Variants in CACNB1 observed in about 807,000 individuals in gnomAD.
CACNB1 encodes voltage-dependent L-type calcium channel subunit beta-1.
In CACNB1, 29 loss-of-function variants were observed where a neutral mutation model predicts 71.6. That is an observed-to-expected ratio of 0.40 (90% confidence interval 0.30 to 0.55). CACNB1 has a LOEUF of 0.55. Ranked by LOEUF, CACNB1 falls within the 20% of genes least tolerant of loss-of-function variation. The pLI is 0.38. For synonymous variants in CACNB1, 300 were observed against 319.6 expected, an observed-to-expected ratio of 0.94 and a Z score of 0.65; for missense variants, 623 against 801.8, an observed-to-expected ratio of 0.78 and a Z score of 2.69.
At position 39,175,677 on chromosome 17, in the gene CACNB1, C is replaced by T; in HGVS notation, c.1333-20G>A. On this transcript the variant is annotated intron_variant, in intron 13 of 13. Coordinates refer to ENST00000394303, the MANE Select transcript of CACNB1 (RefSeq NM_000723.5). The surrounding 1 kb of genome is among the most constrained non-coding windows in gnomAD (Gnocchi z 4.7). ...GGGTCCCTGGTTAGCAGACGGACAGCACACACCATGCAGATCAGGCAGGGG... is the reference window on the plus strand; with the variant it reads ...GGGTCCCTGGTTAGCAGACGGACAGTACACACCATGCAGATCAGGCAGGGG... 6.6e-7 allele frequency: 1 copy of T among 1,516,894 alleles called. No homozygotes were observed. Among genetic ancestry groups the T allele is most frequent in the Non-Finnish European group, 8.9e-7 (1 of 1,123,598 alleles). 94.0% of individuals were successfully genotyped at this position (1,516,894 alleles called of 1,614,324 possible).
intron 2 of CACNB1, chr17:39,191,921 C>T (rs947802791): frequency 1.2e-5 from 4 of 341,982 alleles, no homozygotes; most frequent in Non-Finnish European, 2.1e-5. Context: ...CGAGTCTCTA[C>T]TCCCACTGCT....
At chr17:39,190,485 T>A (rs1175273988) in intron 3 of CACNB1, among the ~76,000 whole-genome samples, 1 of 152,134 alleles carries the variant, frequency 6.6e-6, no homozygotes, top group African/African-American at 2.4e-5. Context: ...CGGAGTGCAG[T>A]GGTGCGATCT....
At position 39,197,515 on chromosome 17, in the gene CACNB1, C is replaced by T; in HGVS notation, c.-20G>A. 1.4e-6 allele frequency: 2 copies of T among 1,479,090 alleles called. No homozygotes were observed. Among genetic ancestry groups the T allele is most frequent in the Admixed American group, 2.6e-5 (1 of 38,982 alleles). The allele number at this position is 1,479,090 out of a possible 1,614,324, so 91.6% of individuals were successfully genotyped here. A position where few individuals can be genotyped will look rare whatever the true frequency, so the allele number is the denominator to read the frequency against. On this transcript the variant is annotated 5_prime_UTR_variant, in exon 1 of 14. Coordinates refer to ENST00000394303, the MANE Select transcript of CACNB1 (RefSeq NM_000723.5). ...GACCATGGAGAGGAGCCTCCCCTCC[C>T]GCCGCCGGCCCGGCCCAGCCGGGCT...
At chr17:39,192,199 C>T (rs1052105782) in intron 2 of CACNB1, 1 of 154,898 alleles carries the variant, frequency 6.5e-6, no homozygotes, top group African/African-American at 2.4e-5. Flanking sequence ...TCAGGCTCTC[C>T]TAGGACACAA....
chr17:39,189,466 C>T (rs1295198658), intron 3 of CACNB1, among the ~76,000 whole-genome samples: 1 of 151,960 alleles, frequency 6.6e-6, no homozygotes, highest in Non-Finnish European at 1.5e-5. Context: ...AGTCTGAGAC[C>T]AGCCTGAGCA....
chr17:39,195,941 C>T (rs185548986), intron 1 of CACNB1, among the ~76,000 whole-genome samples: 8 of 152,298 alleles, frequency 5.3e-5, no homozygotes, highest in Non-Finnish European at 1.0e-4. Flanking sequence ...GGAAGCCACA[C>T]GTTCAGGTTA....
At chr17:39,185,019 G>T in intron 7 of CACNB1, 112 bp downstream of exon 7, 1 of 1,098,108 alleles carries the variant, frequency 9.1e-7, no homozygotes, top group Non-Finnish European at 1.4e-6. Flanking sequence ...TGGCCAGGGA[G>T]AACCAGGAAG....
Position 39,186,800 on chromosome 17 carries a change from C to T in CACNB1, c.544G>A (p.Gly182Ser), listed in dbSNP as rs773141230. 6.2e-6 allele frequency: 10 copies of T among 1,613,826 alleles called. No individual in the cohort carries two copies. Among genetic ancestry groups the T allele is most frequent in the Admixed American group, 1.7e-5 (1 of 60,018 alleles). The change falls in exon 5 of 14, where the codon GGC (glycine) becomes AGC (serine). Residue 182 changes from glycine (G) to serine (S), a missense_variant. Coordinates refer to ENST00000394303, the MANE Select transcript of CACNB1 (RefSeq NM_000723.5). The surrounding 1 kb of genome is among the most constrained non-coding windows in gnomAD (Gnocchi z 4.1). The part of the protein sequence containing the change: ...QEQKLRQNRL[G>S]SSKSGDNSSS... ...CCTGCCCCACCCAGACACCTGGAGC[C>T]GAGGCGGTTCTGGCGCAGCTTCTGT...
At chr17:39,193,483 G>T (rs2046138067) in intron 2 of CACNB1, 2 of 453,356 alleles carry the variant, frequency 4.4e-6, no homozygotes, top group Non-Finnish European at 8.9e-6. Flanking sequence ...CTCCATCCCG[G>T]CACCCTCAGT....
intron 13 of CACNB1, chr17:39,177,069 T>C: frequency 1.5e-6 from 2 of 1,369,254 alleles, no homozygotes; most frequent in South Asian, 1.8e-5. Context: ...TGCGCTCCTA[T>C]GGCACCAGGC....
intron 11 of CACNB1, among the ~76,000 whole-genome samples, chr17:39,182,106 A>T (rs1370973610): frequency 6.6e-6 from 1 of 151,708 alleles, no homozygotes; most frequent in Non-Finnish European, 1.5e-5. Flanking sequence ...GGTTGCAGTG[A>T]GCAAGATCGC....
At chr17:39,178,357 G>T in intron 11 of CACNB1, 1 of 273,426 alleles carries the variant, frequency 3.7e-6, no homozygotes, top group Admixed American at 4.9e-5. Context: ...AACATTGTTT[G>T]TAGGCCCGCC....
Position 39,186,444 on chromosome 17 carries a change from C to A in CACNB1, c.628+52G>T. ...AAGGAGGATTCAGGGAGTGGGGAGA[C>A]CACCCCACCCAGGAGCTTCTTCCCA... On this transcript the variant is annotated intron_variant, in intron 6 of 13. Coordinates refer to ENST00000394303, the MANE Select transcript of CACNB1 (RefSeq NM_000723.5). This position sits in a 1 kb window ranked among gnomAD's most constrained non-coding sequence, Gnocchi z 4.1. The A allele has an allele frequency of 7.3e-7, 1 of 1,372,966 alleles. No individual in the cohort carries two copies. Among genetic ancestry groups the A allele is most frequent in the Non-Finnish European group, 1.0e-6 (1 of 977,714 alleles). 85.0% of individuals were successfully genotyped at this position (1,372,966 alleles called of 1,614,324 possible).
In CACNB1 at chr17:39,173,728, T is replaced by C. The variant is rs1411219918; in HGVS notation, c.*1465A>G. On this transcript the variant is annotated 3_prime_UTR_variant, in exon 14 of 14. Transcript: ENST00000394303. ...ACCCACCCTTTCAACTCCCCGTGCA[T>C]ATCAGCAGCTCCCAGGTGCCTACGC... The C allele has an allele frequency of 6.6e-6, 1 of 152,500 alleles. No homozygotes were observed. Among genetic ancestry groups the C allele is most frequent in the Non-Finnish European group, 1.5e-5 (1 of 68,084 alleles). 9.4% of individuals were successfully genotyped at this position (152,500 alleles called of 1,614,324 possible).
At position 39,194,832 on chromosome 17, in the gene CACNB1, T is replaced by C; in HGVS notation, c.171+52A>G. 1.6e-6 allele frequency: 2 copies of C among 1,269,676 alleles called. No homozygotes were observed. The highest frequency in any genetic ancestry group is 1.5e-5 in the African/African-American group (1 of 68,264). The allele number at this position is 1,269,676 out of a possible 1,614,324, so 78.7% of individuals were successfully genotyped here. A position where few individuals can be genotyped will look rare whatever the true frequency, so the allele number is the denominator to read the frequency against. ...TACCGCAGACCTGGCTCACCAATGCTGGTCTCCACCAACCAGCCACCTCCC... is the reference window on the plus strand; with the variant it reads ...TACCGCAGACCTGGCTCACCAATGCCGGTCTCCACCAACCAGCCACCTCCC... On this transcript the variant is annotated intron_variant, in intron 2 of 13. Transcript: ENST00000394303. The surrounding 1 kb of genome is among the most constrained non-coding windows in gnomAD (Gnocchi z 4.6).
intron 3 of CACNB1, among the ~76,000 whole-genome samples, 200 bp downstream of exon 3, chr17:39,191,274 G>A (rs181319170): frequency 9.3e-4 from 108 of 115,878 alleles, no homozygotes; most frequent in Admixed American, 4.7e-3. Flanking sequence ...ATAATAACAC[G>A]CACTTATTAT....
At chr17:39,193,215 G>GAC (rs1242641494) in intron 2 of CACNB1, 4 of 285,180 alleles carry the variant, frequency 1.4e-5, no homozygotes, top group East Asian at 1.2e-4. Flanking sequence ...TGTGCGGGCA[G>GAC]ACACACACAC....
rs1282948637 is a variant in CACNB1 at position 39,175,613 on chromosome 17, G to A, written c.1377C>T (p.Thr459=). The A allele has an allele frequency of 1.3e-6, 2 of 1,589,766 alleles. No individual in the cohort carries two copies. The highest frequency in any genetic ancestry group is 1.1e-5 in the South Asian group (1 of 87,670). Residue 459 remains threonine, a synonymous_variant, in exon 14 of 14, where the codon ACC becomes ACT. Coordinates refer to ENST00000394303, the MANE Select transcript of CACNB1 (RefSeq NM_000723.5). This position sits in a 1 kb window ranked among gnomAD's most constrained non-coding sequence, Gnocchi z 4.7. ...ASGDQPLERA[T]GEHASMHEYP... ...ACTCGTGCATGCTGGCGTGCTCCCC[G>A]GTGGCCCGTTCCAGTGGCTGGTCCC... is the stretch of plus-strand genomic sequence containing the variant.
intron 11 of CACNB1, chr17:39,183,076 C>G: frequency 2.7e-6 from 1 of 370,804 alleles, no homozygotes; most frequent in Non-Finnish European, 3.7e-6. Context: ...TACCGATTTC[C>G]CCTCTATCAA....
Sources: allele counts gnomAD v4.1 joint callset (sites outside exome capture counted in the v4.1 genomes callset), GRCh38; gene constraint gnomAD v4.1.1; non-coding constraint Gnocchi (gnomAD v3.1); transcripts MANE v1.5; gene names NCBI Gene and HGNC (gene_info 2026-07-23, HGNC 2026-07-21).